The following AATF variants were observed in gnomAD, a reference collection of about 807,000 sequenced individuals.
AATF encodes protein AATF.
A neutral mutation model predicts 63.7 loss-of-function variants in AATF; 48 were observed. The ratio of observed to expected loss-of-function variants is 0.75; its 90% CI spans 0.60 to 0.96. The LOEUF is 0.96. Ranked by LOEUF, AATF falls within the 40% of genes least tolerant of loss-of-function variation. The pLI is 0.00. For synonymous variants in AATF, 258 were observed against 247.7 expected, an observed-to-expected ratio of 1.04 and a Z score of -0.39; for missense variants, 639 against 685.7, an observed-to-expected ratio of 0.93 and a Z score of 0.76.
chr17:37,004,075 A>G (rs1366302272), intron 8 of AATF, among the ~76,000 whole-genome samples: 1 of 152,028 alleles, frequency 6.6e-6, no homozygotes, highest in Non-Finnish European at 1.5e-5. Context: ...CCCGCCTGTA[A>G]TCCTAGCACT....
In AATF at chr17:37,031,654, A is replaced by G. The variant is rs2071552671; in HGVS notation, c.1588A>G (p.Ile530Val). 1.2e-6 allele frequency: 2 copies of G among 1,614,200 alleles called. No homozygotes were observed. The highest frequency in any genetic ancestry group is 1.7e-6 in the Non-Finnish European group (2 of 1,180,018). The change falls in exon 11 of 12, where the codon ATT (isoleucine) becomes GTT (valine). Residue 530 changes from isoleucine (I) to valine (V), a missense_variant. Physicochemically the swap from Ile to Val is conservative, Grantham distance 29 (BLOSUM62 3). Transcript: ENST00000619387. ...CAAGCTACTGAGTTTCATGGCACCT[A>G]TTGACCATACTACAATGAATGATGA... ...LSKLLSFMAP[I>V]DHTTMNDDAR...
intron 11 of AATF, chr17:37,052,238 T>A (rs2071758844): frequency 6.6e-6 from 1 of 152,196 alleles, no homozygotes; most frequent in Non-Finnish European, 1.5e-5. Flanking sequence ...ACCTCAGGTA[T>A]GAAACTACAC....
chr17:36,990,887 T>C, intron 8 of AATF, 30 bp downstream of exon 8: 1 of 1,475,438 alleles, frequency 6.8e-7, no homozygotes, highest in Non-Finnish European at 9.1e-7. Flanking sequence ...TTGTTACAAA[T>C]CATGTTTTAG....
At chr17:36,961,997 G>A (rs1036659988) in intron 4 of AATF, among the ~76,000 whole-genome samples, 1 of 152,024 alleles carries the variant, frequency 6.6e-6, no homozygotes, top group Non-Finnish European at 1.5e-5. Context: ...TTTTTAAAAA[G>A]GCTTTTGGAA....
At chr17:36,979,106 C>T (rs1412225873) in intron 4 of AATF, among the ~76,000 whole-genome samples, 1 of 151,920 alleles carries the variant, frequency 6.6e-6, no homozygotes, top group Non-Finnish European at 1.5e-5. Context: ...ACTAGCAAGT[C>T]GGGCCTGAAA....
At chr17:37,033,622 G>T (rs1442533488) in intron 11 of AATF, 1 of 154,498 alleles carries the variant, frequency 6.5e-6, no homozygotes, top group Non-Finnish European at 1.5e-5. Context: ...GATTAATTTG[G>T]GTATGGCCTA....
intron 4 of AATF, among the ~76,000 whole-genome samples, chr17:36,982,273 A>G (rs909890571): frequency 7.4e-6 from 1 of 135,286 alleles, no homozygotes; most frequent in Non-Finnish European, 1.6e-5. Context: ...TTGAAGCATT[A>G]TAGATGACTC....
intron 8 of AATF, among the ~76,000 whole-genome samples, chr17:36,993,656 T>C (rs1029400486): frequency 2.3e-4 from 35 of 152,212 alleles, no homozygotes; most frequent in Non-Finnish European, 4.4e-4. Flanking sequence ...TGTGTGGTTT[T>C]TTTTAACATG....
chr17:36,974,647 C>A (rs1364988935), intron 4 of AATF, among the ~76,000 whole-genome samples: 1 of 152,148 alleles, frequency 6.6e-6, no homozygotes, highest in Non-Finnish European at 1.5e-5. Flanking sequence ...ACATCGGATA[C>A]AATAATTTTG....
chr17:36,965,897 G>A (rs944851080), intron 4 of AATF, among the ~76,000 whole-genome samples: 3 of 151,844 alleles, frequency 2.0e-5, no homozygotes, highest in African/African-American at 2.4e-5. Flanking sequence ...TTATAGAGAT[G>A]GGGTCTTGCA....
chr17:37,018,887 C>T, intron 8 of AATF, 118 bp from the exon 9 acceptor site: 1 of 794,630 alleles, frequency 1.3e-6, no homozygotes, highest in East Asian at 2.5e-5. Flanking sequence ...TGGGTTGTCC[C>T]TTATTGATTG....
intron 8 of AATF, among the ~76,000 whole-genome samples, chr17:37,006,775 G>T (rs75668759): frequency 0.033 from 4,971 of 152,316 alleles, 286 homozygotes; most frequent in African/African-American, 0.11. Flanking sequence ...GGCCTTTGAA[G>T]TATTTTAGGG....
chr17:37,016,007 T>C (rs987525685), intron 8 of AATF, among the ~76,000 whole-genome samples: 2 of 152,236 alleles, frequency 1.3e-5, no homozygotes, highest in African/African-American at 4.8e-5. Context: ...CAAGTGGTTC[T>C]GCTCCTTCTC....
intron 4 of AATF, among the ~76,000 whole-genome samples, chr17:36,966,663 A>G (rs1447904673): frequency 6.6e-6 from 1 of 152,194 alleles, no homozygotes; most frequent in Non-Finnish European, 1.5e-5. Flanking sequence ...TATAGGATGT[A>G]AATTTAAAGT....
At position 36,949,024 on chromosome 17, in the gene AATF, T is replaced by A; in HGVS notation, c.-102T>A. On this transcript the variant is annotated 5_prime_UTR_variant, in exon 1 of 12. Coordinates refer to ENST00000619387, the MANE Select transcript of AATF (RefSeq NM_012138.4). ...CGCGGTCTCTGGCGGAGTCGGGGAA[T>A]CGGATCAAGGCGAGAGGATCCGGCA... The A allele has an allele frequency of 8.9e-7, 1 of 1,120,592 alleles. No homozygotes were observed. The highest frequency in any genetic ancestry group is 1.3e-6 in the Non-Finnish European group (1 of 784,222). 69.4% of individuals were successfully genotyped at this position (1,120,592 alleles called of 1,614,324 possible). A position where few individuals can be genotyped will look rare whatever the true frequency, so the allele number is the denominator to read the frequency against.
At chr17:36,999,249 A>G (rs1450429383) in intron 8 of AATF, 1 of 152,180 alleles carries the variant, frequency 6.6e-6, no homozygotes, top group Non-Finnish European at 1.5e-5. Context: ...TTTCTGTAAT[A>G]AAAAGTTAAA....
intron 11 of AATF, among the ~76,000 whole-genome samples, chr17:37,047,238 G>A (rs892510101): frequency 6.6e-6 from 1 of 152,148 alleles, no homozygotes; most frequent in Non-Finnish European, 1.5e-5. Context: ...ATATTAATGC[G>A]TGGAAGGAGC....
At chr17:36,967,630 T>C (rs891704742) in intron 4 of AATF, among the ~76,000 whole-genome samples, 2 of 151,986 alleles carry the variant, frequency 1.3e-5, no homozygotes, top group Admixed American at 6.5e-5. Flanking sequence ...GGATCTCCTA[T>C]TCCAGAGTCT....
chr17:36,976,639 C>A (rs981545286), intron 4 of AATF, among the ~76,000 whole-genome samples: 1 of 152,092 alleles, frequency 6.6e-6, no homozygotes, highest in African/African-American at 2.4e-5. Flanking sequence ...ACCAAACATA[C>A]CCAAGTGAGT....
Sources: gnomAD v4.1 joint callset for allele counts (sites outside exome capture counted in the v4.1 genomes callset) on GRCh38, gnomAD v4.1.1 for gene constraint, MANE v1.5 for transcripts, NCBI Gene and HGNC (gene_info 2026-07-23, HGNC 2026-07-21) for gene names.